The following NCS1 variants were observed in gnomAD, a reference collection of about 807,000 sequenced individuals.
NCS1 encodes the protein frequenin homolog.
Under a neutral mutation model 28.4 loss-of-function variants are expected in NCS1, and 6 were observed. The observed-to-expected ratio is 0.21, with a 90% CI of 0.12 to 0.42. The LOEUF is 0.42. NCS1 is among the 10% of genes least tolerant of loss of function. NCS1 has a pLI of 1.00. For synonymous variants in NCS1, 86 were observed against 99.3 expected (o/e 0.87, Z 0.79); for missense variants, 131 against 241.4 (o/e 0.54, Z 3.03).
chr9:130,206,818 A>C (rs1350487404), intron 2 of NCS1, among the ~76,000 whole-genome samples: 4 of 152,140 alleles, frequency 2.6e-5, no homozygotes, highest in Non-Finnish European at 5.9e-5. Flanking sequence ...CTTTCAGGGC[A>C]ACAGGCAGTG....
chr9:130,193,880 C>G (rs575309068), intron 1 of NCS1: 2 of 152,478 alleles, frequency 1.3e-5, no homozygotes, highest in South Asian at 4.1e-4. Flanking sequence ...ATGGGTCACT[C>G]GTGGCCAGGC....
chr9:130,202,619 A>C (rs1832968519), intron 2 of NCS1, among the ~76,000 whole-genome samples: 3 of 143,606 alleles, frequency 2.1e-5, no homozygotes, highest in Middle Eastern at 3.6e-3. Context: ...TCGCTCTGCC[A>C]CCCAGGCTAG....
chr9:130,206,889 G>A (rs781985230), intron 2 of NCS1, among the ~76,000 whole-genome samples: 26 of 152,264 alleles, frequency 1.7e-4, no homozygotes, highest in East Asian at 9.6e-4. Context: ...AGGGAGCAGC[G>A]GGCCACAGTG....
chr9:130,217,807 C>T (rs1833210366), intron 2 of NCS1, 25 bp from the exon 3 acceptor site: 4 of 1,614,028 alleles, frequency 2.5e-6, no homozygotes, highest in Non-Finnish European at 3.4e-6. Flanking sequence ...CCTTTACCCT[C>T]TCTGGCCCGG....
intron 2 of NCS1, among the ~76,000 whole-genome samples, chr9:130,214,166 G>A (rs1488308568): frequency 1.3e-5 from 2 of 152,220 alleles, no homozygotes; most frequent in South Asian, 2.1e-4. Flanking sequence ...ATGGTATAGC[G>A]TGGTACAGGC....
Position 130,232,309 on chromosome 9 carries a change from T to C in NCS1, c.*18-681T>C, listed in dbSNP as rs1275362526. Among the ~76,000 whole-genome samples the C allele has an allele frequency of 6.6e-6, 1 of 152,206 alleles. No individual in the cohort carries two copies. The highest frequency in any genetic ancestry group is 6.5e-5 in the Admixed American group (1 of 15,274). ...GGGATGTTGGGCATCTTTTCATGTG[T>C]TTATCGACTGTTCTATGTGTTGTTT... is the stretch of plus-strand genomic sequence containing the variant. On this transcript the variant is annotated intron_variant, in intron 7 of 7. Transcript: ENST00000372398. The surrounding 1 kb of genome is among the most constrained non-coding windows in gnomAD (Gnocchi z 4.4).
At chr9:130,222,343 G>C (rs1486601746) in intron 4 of NCS1, among the ~76,000 whole-genome samples, 1 of 151,680 alleles carries the variant, frequency 6.6e-6, no homozygotes, top group African/African-American at 2.4e-5. Flanking sequence ...TGTAGAGACG[G>C]GGTTTTGCCA....
intron 1 of NCS1, among the ~76,000 whole-genome samples, chr9:130,182,603 G>A (rs1832676417): frequency 6.6e-6 from 1 of 152,238 alleles, no homozygotes; most frequent in Non-Finnish European, 1.5e-5. Flanking sequence ...GGAGTGTGTG[G>A]CGCAGCTGTG....
intron 4 of NCS1, among the ~76,000 whole-genome samples, chr9:130,220,012 G>A (rs1260681868): frequency 6.6e-6 from 1 of 152,250 alleles, no homozygotes; most frequent in Admixed American, 6.5e-5. Flanking sequence ...GACTGTCCAG[G>A]GTTCAGAGAG....
chr9:130,207,130 G>A (rs549215198), intron 2 of NCS1, among the ~76,000 whole-genome samples: 40 of 152,120 alleles, frequency 2.6e-4, no homozygotes, highest in Non-Finnish European at 4.4e-4. Context: ...CTGGCCACAC[G>A]GGTCCGAGCC....
rs563126783 is a variant in NCS1, at chr9:130,219,527, C to A, written c.229-198C>A. Among the ~76,000 whole-genome samples, 7 of 151,854 alleles carry A rather than the reference C, an allele frequency of 4.6e-5. No individual in the cohort carries two copies. The highest frequency in any genetic ancestry group is 2.1e-4 in the South Asian group (1 of 4,814). ...CTGGCCTCTCCCACTTCTAACCCCC[C>A]ACACAGTCCCCCAGCCTCTGCTCCC... On this transcript the variant is annotated intron_variant, in intron 3 of 7. Coordinates refer to ENST00000372398, the MANE Select transcript of NCS1 (RefSeq NM_014286.4). The surrounding 1 kb of genome is among the most constrained non-coding windows in gnomAD (Gnocchi z 5.7).
intron 1 of NCS1, among the ~76,000 whole-genome samples, chr9:130,176,676 C>A (rs901167558): frequency 4.6e-5 from 7 of 152,238 alleles, no homozygotes; most frequent in Non-Finnish European, 1.0e-4. Context: ...CCTGCTCTTA[C>A]GTGTAGCGGC....
At chr9:130,179,702 CTT>C (rs1554904975) in intron 1 of NCS1, among the ~76,000 whole-genome samples, 1 of 152,172 alleles carries the variant, frequency 6.6e-6, no homozygotes, top group African/African-American at 2.4e-5. Context: ...TTCCTTACTT[CTT>C]GCCAATTTTA....
chr9:130,202,354 A>ACACCCCCCCG (rs1832961780), intron 2 of NCS1, among the ~76,000 whole-genome samples: 1 of 113,338 alleles, frequency 8.8e-6, no homozygotes, highest in East Asian at 3.8e-4. Context: ...CCTCCCCCCC[A>ACACCCCCCCG]CCCCCTGAAA....
rs567382535 is a variant in NCS1 at position 130,180,169 on chromosome 9, G to A, written c.64+7442G>A. On this transcript the variant is annotated intron_variant, in intron 1 of 7. Coordinates refer to ENST00000372398, the MANE Select transcript of NCS1 (RefSeq NM_014286.4). This position sits in a 1 kb window ranked among gnomAD's most constrained non-coding sequence, Gnocchi z 4.5. ...CCTGCCTCAGCCTCCTGAGTAGCTC[G>A]TATTAGAATGTGCACCACCACACCT... 5.9e-5 allele frequency among the ~76,000 whole-genome samples: 9 copies of A among 152,222 alleles called. No individual in the cohort carries two copies. The South Asian group carries it at 1.0e-3, about 18-fold the overall frequency.
intron 1 of NCS1, among the ~76,000 whole-genome samples, chr9:130,197,549 G>A (rs782694600): frequency 6.6e-6 from 1 of 152,200 alleles, no homozygotes; most frequent in Middle Eastern, 3.2e-3. Flanking sequence ...TAGCTGCTCA[G>A]CAGGGGGCTG....
In NCS1 at chr9:130,189,445, T is replaced by C. The variant is rs377268402; in HGVS notation, c.65-11513T>C. The stretch of plus-strand genomic sequence containing the variant: ...CTTGGCAGTGTTTGGGAAATGCTTG[T>C]GGAATGGGACTGATCCGGATCCCTG... On this transcript the variant is annotated intron_variant, in intron 1 of 7. Coordinates refer to ENST00000372398, the MANE Select transcript of NCS1 (RefSeq NM_014286.4). 1.8e-4 allele frequency among the ~76,000 whole-genome samples: 28 copies of C among 152,188 alleles called. No individual in the cohort carries two copies. The East Asian group carries it at 4.8e-3, about 26-fold the overall frequency.
intron 1 of NCS1, among the ~76,000 whole-genome samples, chr9:130,187,639 C>T (rs1274908056): frequency 1.3e-5 from 2 of 152,186 alleles, no homozygotes; most frequent in Admixed American, 6.5e-5. Flanking sequence ...TGGCAGTGGC[C>T]AATGCTGGTT....
rs539894998 is a variant in NCS1 at position 130,234,367 on chromosome 9, C to G, written c.*1395C>G. ...CACATGTCTTCACGGAGGCTTCCAGCGGTGCCTGCCACTGAGGCAGGTGCG... is the reference window on the plus strand; with the variant it reads ...CACATGTCTTCACGGAGGCTTCCAGGGGTGCCTGCCACTGAGGCAGGTGCG... On this transcript the variant is annotated 3_prime_UTR_variant, in exon 8 of 8. Transcript: ENST00000372398. The surrounding 1 kb of genome is among the most constrained non-coding windows in gnomAD (Gnocchi z 6.1). The G allele has an allele frequency of 6.6e-6, 1 of 152,340 alleles. No homozygotes were observed. The highest frequency in any genetic ancestry group is 1.9e-4 in the East Asian group (1 of 5,180). 9.4% of individuals were successfully genotyped at this position (152,340 alleles called of 1,614,324 possible).
Sources: allele counts gnomAD v4.1 joint callset (sites outside exome capture counted in the v4.1 genomes callset), GRCh38; gene constraint gnomAD v4.1.1; non-coding constraint Gnocchi (gnomAD v3.1); transcripts MANE v1.5; gene names NCBI Gene and HGNC (gene_info 2026-07-23, HGNC 2026-07-21).